LRRC4C: variants seen among roughly 807,000 people sequenced by gnomAD.
LRRC4C encodes the protein leucine rich repeat containing 4C, also known as leucine-rich repeat-containing protein 4C.
A neutral mutation model predicts 33.6 loss-of-function variants in LRRC4C; 5 were observed. That is an observed-to-expected ratio of 0.15 (90% CI 0.08 to 0.31). LRRC4C has a LOEUF of 0.31. LRRC4C is among the 10% of genes least tolerant of loss of function. The pLI is 1.00. For missense variants in LRRC4C, 560 were observed against 796.7 expected (o/e 0.70, Z 3.58); for synonymous variants, 329 against 302.0 (o/e 1.09, Z -0.93).
chr11:40,412,841 C>T (rs910867916), intron 3 of LRRC4C, among the ~76,000 whole-genome samples: 2 of 152,044 alleles, frequency 1.3e-5, no homozygotes, highest in African/African-American at 4.8e-5. Context: ...ATGTTTAAGG[C>T]ATTGGGTTGT....
chr11:40,177,361 A>G (rs1860594622), intron 5 of LRRC4C, among the ~76,000 whole-genome samples: 3 of 152,182 alleles, frequency 2.0e-5, no homozygotes, highest in Non-Finnish European at 2.9e-5. Flanking sequence ...AAAAGCATGA[A>G]TACATCTAGC....
At chr11:41,321,579 T>C (rs1950960827) in intron 1 of LRRC4C, among the ~76,000 whole-genome samples, 1 of 152,210 alleles carries the variant, frequency 6.6e-6, no homozygotes, top group Admixed American at 6.5e-5. Flanking sequence ...GAGCTTTTAA[T>C]GATCTTGTGC....
chr11:40,880,878 T>TATAC (rs1199896606), intron 2 of LRRC4C, among the ~76,000 whole-genome samples: 3 of 150,344 alleles, frequency 2.0e-5, no homozygotes, highest in Non-Finnish European at 3.0e-5. Flanking sequence ...TATATATATA[T>TATAC]ATATGTATAC....
chr11:40,422,866 C>T (rs1417407384), intron 3 of LRRC4C, among the ~76,000 whole-genome samples: 1 of 151,914 alleles, frequency 6.6e-6, no homozygotes, highest in African/African-American at 2.4e-5. Context: ...GCTCATAAAT[C>T]CAGTAATTAA....
intron 1 of LRRC4C, among the ~76,000 whole-genome samples, chr11:41,090,187 G>T (rs186996912): frequency 6.6e-6 from 1 of 152,202 alleles, no homozygotes; most frequent in African/African-American, 2.4e-5. Context: ...AGAAGAATGT[G>T]CATAATATGA....
Position 41,448,122 on chromosome 11 carries a change from GTTT to G in LRRC4C, c.-496+11306_-496+11308del, listed in dbSNP as rs71063918. Among the ~76,000 whole-genome samples the G allele has an allele frequency of 1.4e-3, 65 of 46,916 alleles. 1 individual carries two copies. Among genetic ancestry groups the G allele is most frequent in the Non-Finnish European group, 1.4e-3 (33 of 22,924 alleles). The allele number at this position is 46,916 out of a possible 152,430, so 30.8% of individuals were successfully genotyped here. A position where few individuals can be genotyped will look rare whatever the true frequency, so the allele number is the denominator to read the frequency against. ...ACAAACGAGGCTGCTGCACACGTCT[GTTT>G]TTTTTTTTTTTTTTTTTGGAGCTTT... On this transcript the variant is annotated intron_variant, in intron 1 of 6. Transcript: ENST00000528697.
At chr11:41,255,849 A>G (rs2136682006) in intron 1 of LRRC4C, among the ~76,000 whole-genome samples, 1 of 152,104 alleles carries the variant, frequency 6.6e-6, no homozygotes, top group South Asian at 2.1e-4. Context: ...TTGATTCTCT[A>G]GATGTGCCCT....
chr11:40,319,214 TG>T (rs1945723731), intron 4 of LRRC4C, among the ~76,000 whole-genome samples: 2 of 152,212 alleles, frequency 1.3e-5, no homozygotes, highest in Non-Finnish European at 2.9e-5. Flanking sequence ...TCAGTAGAGT[TG>T]CTTATTTGAT....
At chr11:41,394,367 A>G (rs1953723253) in intron 1 of LRRC4C, among the ~76,000 whole-genome samples, 1 of 151,976 alleles carries the variant, frequency 6.6e-6, no homozygotes. Flanking sequence ...TGCAAATTTG[A>G]AAGGAATAGA....
intron 2 of LRRC4C, among the ~76,000 whole-genome samples, chr11:40,900,529 T>C (rs1956155395): frequency 6.6e-6 from 1 of 152,118 alleles, no homozygotes; most frequent in Admixed American, 6.5e-5. Context: ...ATAGCTATGT[T>C]AAATCATGGT....
intron 1 of LRRC4C, among the ~76,000 whole-genome samples, chr11:41,005,421 T>C (rs959631072): frequency 6.6e-6 from 1 of 152,052 alleles, no homozygotes; most frequent in African/African-American, 2.4e-5. Context: ...CTGAGCAACA[T>C]AGTGACACCC....
At chr11:40,952,896 ACTCTCT>A (rs35019678) in intron 1 of LRRC4C, among the ~76,000 whole-genome samples, 1,491 of 69,936 alleles carry the variant, frequency 0.021, 26 homozygotes, top group African/African-American at 0.042. Flanking sequence ...ACACACACAC[ACTCTCT>A]CTCTCTCTCT....
At chr11:40,289,971 C>T (rs1012748380) in intron 4 of LRRC4C, among the ~76,000 whole-genome samples, 1 of 152,086 alleles carries the variant, frequency 6.6e-6, no homozygotes, top group African/African-American at 2.4e-5. Context: ...GGAGGTGACA[C>T]TATCAAGGAG....
chr11:40,275,806 G>A (rs1467683591), intron 4 of LRRC4C, among the ~76,000 whole-genome samples: 1 of 152,126 alleles, frequency 6.6e-6, no homozygotes, highest in Non-Finnish European at 1.5e-5. Context: ...GCAGTTGGAA[G>A]CTTGTGAAGA....
At chr11:40,873,840 C>G (rs1417233933) in intron 2 of LRRC4C, among the ~76,000 whole-genome samples, 1 of 152,150 alleles carries the variant, frequency 6.6e-6, no homozygotes, top group Admixed American at 6.6e-5. Context: ...TTACAGACTT[C>G]TAATAAACAT....
chr11:40,218,654 CA>C (rs1864166339), intron 5 of LRRC4C, among the ~76,000 whole-genome samples: 1 of 141,656 alleles, frequency 7.1e-6, no homozygotes, highest in South Asian at 2.3e-4. Flanking sequence ...ATCTATCTAT[CA>C]TCTATTGCCA....
intron 1 of LRRC4C, among the ~76,000 whole-genome samples, chr11:41,083,886 G>T (rs994902730): frequency 2.0e-5 from 3 of 152,164 alleles, no homozygotes; most frequent in African/African-American, 7.2e-5. Flanking sequence ...TGGCAAATAG[G>T]TAGAGAATAT....
intron 2 of LRRC4C, among the ~76,000 whole-genome samples, chr11:40,872,937 C>CA (rs1954719772): frequency 6.6e-6 from 1 of 152,038 alleles, no homozygotes; most frequent in Non-Finnish European, 1.5e-5. Context: ...AATTTTAAAA[C>CA]AAAAATTTAT....
chr11:41,261,351 C>A (rs947470633), intron 1 of LRRC4C, among the ~76,000 whole-genome samples: 2 of 151,908 alleles, frequency 1.3e-5, no homozygotes, highest in Non-Finnish European at 2.9e-5. Flanking sequence ...TATAAATGAC[C>A]CAGTATAAGG....
Sources: gnomAD v4.1 joint callset for allele counts (sites outside exome capture counted in the v4.1 genomes callset) on GRCh38, gnomAD v4.1.1 for gene constraint, MANE v1.5 for transcripts, NCBI Gene and HGNC (gene_info 2026-07-23, HGNC 2026-07-21) for gene names.